Variants in RIMS3 observed in about 807,000 individuals in gnomAD.
RIMS3 encodes regulating synaptic membrane exocytosis 3.
RIMS3 carries 15 observed loss-of-function variants against 29.2 expected under a neutral mutation model. That is an observed-to-expected ratio of 0.51 (90% CI 0.34 to 0.79). The LOEUF (loss-of-function observed/expected upper bound fraction) is 0.79. RIMS3 is among the 30% of genes least tolerant of loss of function. The pLI is 0.01. For missense variants in RIMS3, 342 were observed against 421.4 expected, an observed-to-expected ratio of 0.81 and a Z score of 1.65; for synonymous variants, 161 against 170.1, an observed-to-expected ratio of 0.95 and a Z score of 0.41.
intron 1 of RIMS3, among the ~76,000 whole-genome samples, chr1:40,648,752 C>A (rs1025334002): frequency 2.6e-5 from 4 of 152,198 alleles, no homozygotes; most frequent in Admixed American, 2.0e-4. Context: ...CCTACCACAG[C>A]CCTGAGTGCT....
In RIMS3 at chr1:40,635,637, G is replaced by A. The variant is rs953941887; in HGVS notation, c.359+279C>T. Among the ~76,000 whole-genome samples the A allele has an allele frequency of 2.0e-5, 3 of 152,166 alleles. No homozygotes were observed. The South Asian group carries it at 6.2e-4, about 32-fold the overall frequency. ...TCCTCTGGAGCAGGGCAGTGTGTGC[G>A]TGGTGGGAGGTGGGAGGTGGGAGGT... On this transcript the variant is annotated intron_variant, in intron 4 of 7. Coordinates refer to ENST00000372684, the MANE Select transcript of RIMS3 (RefSeq NM_014747.3). The surrounding 1 kb of genome is among the most constrained non-coding windows in gnomAD (Gnocchi z 4.1).
intron 3 of RIMS3, among the ~76,000 whole-genome samples, chr1:40,639,282 G>A (rs1646540817): frequency 6.6e-6 from 1 of 152,222 alleles, no homozygotes; most frequent in South Asian, 2.1e-4. Context: ...CAGAGCCAAT[G>A]CCCATGAGTC....
In RIMS3 at chr1:40,633,080, G is replaced by A; in HGVS notation, c.461C>T (p.Thr154Ile). 1 of 1,614,032 alleles carries A rather than the reference G, an allele frequency of 6.2e-7. No homozygotes were observed. The highest frequency in any genetic ancestry group is 1.7e-5 in the Admixed American group (1 of 60,024). ...TTAATAAGACTCACCCATGGGTGGT[G>A]TTGCCAGTGTCTGTCGCCCCACAAT... ...AQIVGRQTLA[T>I]PPMGDVHIAI... is the part of the protein sequence containing the mutation. Residue 154 changes from threonine (T) to isoleucine (I), a missense_variant, in exon 5 of 8, where the codon ACA becomes ATA. By Grantham distance (89) the Thr-to-Ile change is moderately conservative. Coordinates refer to ENST00000372684, the MANE Select transcript of RIMS3 (RefSeq NM_014747.3).
chr1:40,667,767 C>T (rs1178297355), upstream of RIMS3, among the ~76,000 whole-genome samples: 1 of 152,122 alleles, frequency 6.6e-6, no homozygotes, highest in East Asian at 1.9e-4. Flanking sequence ...AGGACTAGAC[C>T]GATCTGTGGA....
chr1:40,651,355 C>T (rs1038221521), intron 1 of RIMS3, among the ~76,000 whole-genome samples: 4 of 152,184 alleles, frequency 2.6e-5, no homozygotes, highest in African/African-American at 4.8e-5. Flanking sequence ...CGCCAAGGAA[C>T]GCCAAGGATT....
intron 1 of RIMS3, among the ~76,000 whole-genome samples, chr1:40,663,343 G>A (rs1642379131): frequency 6.6e-6 from 1 of 152,158 alleles, no homozygotes; most frequent in Admixed American, 6.5e-5. Context: ...CCTCTCCAAG[G>A]TGGTGCCCCT....
chr1:40,653,418 G>A (rs1417913495), intron 1 of RIMS3, among the ~76,000 whole-genome samples: 1 of 152,194 alleles, frequency 6.6e-6, no homozygotes, highest in Non-Finnish European at 1.5e-5. Flanking sequence ...ACAACACCCT[G>A]ATATTGAGAC....
At chr1:40,652,301 G>A (rs1430368867) in intron 1 of RIMS3, among the ~76,000 whole-genome samples, 1 of 152,178 alleles carries the variant, frequency 6.6e-6, no homozygotes, top group African/African-American at 2.4e-5. Flanking sequence ...GAATCACCTG[G>A]GGAGCTTGCT....
rs376716088 is a variant in RIMS3, at chr1:40,648,135, C to T, written c.-206-293G>A. ...GACCAACTGCTAAGGAGCTCTAGAC[C>T]CTATCCTTCCTTCCTCCAACCTCCC... On this transcript the variant is annotated intron_variant, in intron 1 of 7. Transcript: ENST00000372684. Among the ~76,000 whole-genome samples the T allele has an allele frequency of 1.1e-4, 16 of 152,140 alleles. No homozygotes were observed. In the East Asian group the frequency reaches 2.9e-3, roughly 28 times the overall value.
At chr1:40,652,900 G>A (rs12034989) in intron 1 of RIMS3, among the ~76,000 whole-genome samples, 5 of 152,208 alleles carry the variant, frequency 3.3e-5, no homozygotes, top group Non-Finnish European at 7.3e-5. Flanking sequence ...GAGGTGCGAA[G>A]AGGAAACGGG....
intron 3 of RIMS3, among the ~76,000 whole-genome samples, chr1:40,638,579 C>T (rs2148348642): frequency 6.6e-6 from 1 of 152,316 alleles, no homozygotes; most frequent in East Asian, 1.9e-4. Flanking sequence ...TGGTCCTGAG[C>T]CCTCTCTCTA....
intron 3 of RIMS3, among the ~76,000 whole-genome samples, chr1:40,641,010 T>C (rs899963259): frequency 1.3e-5 from 2 of 152,262 alleles, no homozygotes; most frequent in Non-Finnish European, 2.9e-5. Context: ...GTTCTATTTA[T>C]GTAACTGCAC....
chr1:40,658,232 A>C (rs1446395860), intron 1 of RIMS3, among the ~76,000 whole-genome samples: 1 of 152,160 alleles, frequency 6.6e-6, no homozygotes, highest in Non-Finnish European at 1.5e-5. Flanking sequence ...CCTCACTCCA[A>C]AGCAAGGTGA....
At chr1:40,667,114 G>A (rs1226339104), upstream of RIMS3, among the ~76,000 whole-genome samples, 1 of 152,178 alleles carries the variant, frequency 6.6e-6, no homozygotes, top group Non-Finnish European at 1.5e-5. Context: ...AGGAGGCATA[G>A]TCATCCTACG....
chr1:40,641,062 CAT>C (rs1207769299), intron 3 of RIMS3, among the ~76,000 whole-genome samples: 1 of 152,230 alleles, frequency 6.6e-6, no homozygotes, highest in Admixed American at 6.5e-5. Context: ...TGCTTTGTAA[CAT>C]ATACATGGGA....
intron 1 of RIMS3, among the ~76,000 whole-genome samples, chr1:40,648,458 C>T (rs1646608944): frequency 6.6e-6 from 1 of 152,228 alleles, no homozygotes; most frequent in African/African-American, 2.4e-5. Context: ...CTGCCACTTA[C>T]AAGCTGTATG....
intron 7 of RIMS3, among the ~76,000 whole-genome samples, chr1:40,627,590 C>T (rs1000165796): frequency 1.3e-5 from 2 of 151,668 alleles, no homozygotes; most frequent in African/African-American, 2.4e-5. Context: ...CCTAGGGTTC[C>T]GCAGTTCTTT....
At chr1:40,685,354 T>A in the RIMS3 span, among the ~76,000 whole-genome samples, 116 of 48,760 alleles carry the variant, frequency 2.4e-3, 1 homozygote, top group Non-Finnish European at 2.5e-3. Context: ...ATATATATAT[T>A]ATATAATATA....
At chr1:40,672,656 C>A in the RIMS3 span, among the ~76,000 whole-genome samples, 40 of 152,174 alleles carry the variant, frequency 2.6e-4, 1 homozygote, top group Admixed American at 7.9e-4. Flanking sequence ...CAGTCTTTTA[C>A]TGAGCAGCTA....
Sources: gnomAD v4.1 joint callset for allele counts (sites outside exome capture counted in the v4.1 genomes callset) on GRCh38, gnomAD v4.1.1 for gene constraint, Gnocchi (gnomAD v3.1) non-coding constraint, MANE v1.5 for transcripts, NCBI Gene and HGNC (gene_info 2026-07-23, HGNC 2026-07-21) for gene names.